The following PLXDC2 variants were observed in gnomAD, a reference collection of about 807,000 sequenced individuals.
PLXDC2 encodes the protein plexin domain-containing protein 2.
A neutral mutation model predicts 68.9 loss-of-function variants in PLXDC2; 40 were observed. That is an observed-to-expected ratio of 0.58 (90% confidence interval 0.45 to 0.76). PLXDC2 has a LOEUF of 0.76. Among genes scored for constraint, PLXDC2 ranks in the 30% least tolerant of loss-of-function variants. PLXDC2 has a pLI of 0.00. For synonymous variants in PLXDC2, 243 were observed against 234.2 expected (o/e 1.04, Z -0.34); for missense variants, 644 against 661.9 (o/e 0.97, Z 0.30).
At chr10:20,254,766 T>A (rs1442372119) in intron 13 of PLXDC2, among the ~76,000 whole-genome samples, 1 of 152,020 alleles carries the variant, frequency 6.6e-6, no homozygotes, top group Non-Finnish European at 1.5e-5. Flanking sequence ...TGAAATTGGG[T>A]CACTTGAAAA....
At chr10:20,103,091 G>C (rs903958702) in intron 4 of PLXDC2, among the ~76,000 whole-genome samples, 1 of 152,164 alleles carries the variant, frequency 6.6e-6, no homozygotes. Flanking sequence ...AGTCTAAGAA[G>C]GTGCGGACAG....
At chr10:20,224,063 C>T (rs1301127764) in intron 12 of PLXDC2, among the ~76,000 whole-genome samples, 1 of 150,962 alleles carries the variant, frequency 6.6e-6, no homozygotes, top group East Asian at 2.0e-4. Context: ...CAACCTCCAC[C>T]TTTTGGTTCA....
intron 2 of PLXDC2, among the ~76,000 whole-genome samples, chr10:20,042,385 T>G (rs1835697466): frequency 6.6e-6 from 1 of 152,214 alleles, no homozygotes; most frequent in African/African-American, 2.4e-5. Context: ...GAAATCACTC[T>G]TATAAGGATG....
chr10:19,883,660 T>G (rs997281093), intron 1 of PLXDC2, among the ~76,000 whole-genome samples: 2 of 151,842 alleles, frequency 1.3e-5, no homozygotes, highest in African/African-American at 4.8e-5. Flanking sequence ...TTTTGGCTGC[T>G]CTTTTCATGC....
At chr10:19,885,471 G>A (rs1327678760) in intron 1 of PLXDC2, among the ~76,000 whole-genome samples, 1 of 152,142 alleles carries the variant, frequency 6.6e-6, no homozygotes, top group Non-Finnish European at 1.5e-5. Context: ...TTCTTCTAGG[G>A]TTTTTATGGT....
chr10:19,981,704 G>A (rs897686924), intron 1 of PLXDC2, among the ~76,000 whole-genome samples: 7 of 152,154 alleles, frequency 4.6e-5, no homozygotes, highest in African/African-American at 7.2e-5. Context: ...TTCAGCATGC[G>A]CCTTTTTGTT....
intron 1 of PLXDC2, among the ~76,000 whole-genome samples, chr10:19,855,578 A>C (rs1031569663): frequency 6.6e-6 from 1 of 152,172 alleles, no homozygotes; most frequent in African/African-American, 2.4e-5. Context: ...TATTTGCATT[A>C]TACTTAGAGG....
intron 1 of PLXDC2, among the ~76,000 whole-genome samples, chr10:19,871,145 G>C (rs1265542277): frequency 1.3e-5 from 2 of 152,168 alleles, no homozygotes; most frequent in African/African-American, 4.8e-5. Context: ...AGTGTCCCAA[G>C]AAGAGAAGAA....
At chr10:19,918,237 G>A (rs1431850381) in intron 1 of PLXDC2, among the ~76,000 whole-genome samples, 1 of 152,140 alleles carries the variant, frequency 6.6e-6, no homozygotes, top group East Asian at 1.9e-4. Context: ...AGAGATCTGT[G>A]GTTTAAGATG....
chr10:19,930,621 T>C (rs80022143), intron 1 of PLXDC2, among the ~76,000 whole-genome samples: 26 of 152,106 alleles, frequency 1.7e-4, no homozygotes, highest in East Asian at 5.8e-4. Context: ...ATTTGGAAGA[T>C]TGCTAAACCA....
intron 1 of PLXDC2, among the ~76,000 whole-genome samples, chr10:19,923,581 G>A (rs928705254): frequency 1.3e-5 from 2 of 152,078 alleles, no homozygotes; most frequent in Admixed American, 6.5e-5. Context: ...AGGCAATTAA[G>A]GATAATTTAA....
intron 1 of PLXDC2, among the ~76,000 whole-genome samples, chr10:19,837,105 G>T (rs1405221113): frequency 6.7e-6 from 1 of 149,002 alleles, no homozygotes; most frequent in Admixed American, 6.7e-5. Context: ...TGAATTGAAG[G>T]TTTTTTTTTT....
chr10:20,120,585 C>T (rs1833683711), intron 4 of PLXDC2, among the ~76,000 whole-genome samples: 1 of 152,086 alleles, frequency 6.6e-6, no homozygotes, highest in African/African-American at 2.4e-5. Flanking sequence ...TTCTCAGACC[C>T]TGTAGGAAAG....
chr10:19,953,320 G>T (rs902335086), intron 1 of PLXDC2, among the ~76,000 whole-genome samples: 11 of 152,182 alleles, frequency 7.2e-5, no homozygotes, highest in South Asian at 2.1e-4. Context: ...TGGAATGAAG[G>T]GGAAGGGAAG....
intron 13 of PLXDC2, among the ~76,000 whole-genome samples, chr10:20,259,777 C>T (rs959273430): frequency 2.0e-5 from 3 of 152,160 alleles, no homozygotes; most frequent in African/African-American, 4.8e-5. Context: ...TACAGGGGAC[C>T]TGTGTAAGAA....
intron 1 of PLXDC2, among the ~76,000 whole-genome samples, chr10:19,867,222 C>T (rs779537989): frequency 2.6e-5 from 4 of 152,026 alleles, no homozygotes; most frequent in Admixed American, 6.6e-5. Flanking sequence ...TCCACCACCA[C>T]GCCCAGCTAA....
intron 1 of PLXDC2, among the ~76,000 whole-genome samples, chr10:19,828,088 G>A (rs763204586): frequency 6.6e-5 from 10 of 152,226 alleles, no homozygotes; most frequent in South Asian, 2.1e-4. Flanking sequence ...CGATGGAGGA[G>A]TGAGCTCAAC....
At chr10:19,991,937 A>C (rs1834758358) in intron 1 of PLXDC2, among the ~76,000 whole-genome samples, 1 of 152,186 alleles carries the variant, frequency 6.6e-6, no homozygotes, top group Non-Finnish European at 1.5e-5. Flanking sequence ...GCGGACTCAA[A>C]CTTTTCATGC....
chr10:20,139,353 G>A (rs1440175477), intron 4 of PLXDC2, among the ~76,000 whole-genome samples: 5 of 152,200 alleles, frequency 3.3e-5, no homozygotes, highest in Admixed American at 6.5e-5. Context: ...GTCTTTCTCA[G>A]TCCCAAATTA....
Sources: gnomAD v4.1 joint callset for allele counts (sites outside exome capture counted in the v4.1 genomes callset) on GRCh38, gnomAD v4.1.1 for gene constraint, MANE v1.5 for transcripts, NCBI Gene and HGNC (gene_info 2026-07-23, HGNC 2026-07-21) for gene names.